Variants in FASTKD1 observed in about 807,000 individuals in gnomAD.
FASTKD1 encodes FAST kinase domain-containing protein 1, mitochondrial.
FASTKD1 carries 94 observed loss-of-function variants against 90.9 expected under a neutral mutation model. The observed-to-expected ratio is 1.03, with a 90% CI of 0.88 to 1.23. The LOEUF (loss-of-function observed/expected upper bound fraction) is 1.23. Among genes scored for constraint, FASTKD1 ranks in the 50% most tolerant of loss-of-function variants. FASTKD1 has a pLI of 0.00. For synonymous variants in FASTKD1, 319 were observed against 345.8 expected (o/e 0.92, Z 0.86); for missense variants, 945 against 993.5 (o/e 0.95, Z 0.66).
intron 5 of FASTKD1, among the ~76,000 whole-genome samples, chr2:169,558,253 CGT>C (rs1399489353): frequency 2.0e-5 from 3 of 152,036 alleles, no homozygotes; most frequent in South Asian, 4.1e-4. Context: ...AAAGTTTGTT[CGT>C]GTGTGTGTTT....
intron 5 of FASTKD1, among the ~76,000 whole-genome samples, chr2:169,559,008 CTT>C (rs1461504670): frequency 6.8e-6 from 1 of 146,486 alleles, no homozygotes; most frequent in Non-Finnish European, 1.5e-5. Flanking sequence ...GAGTTTCGCT[CTT>C]GTTGCCCAGG....
At chr2:169,568,534 T>C (rs997723074) in intron 3 of FASTKD1, among the ~76,000 whole-genome samples, 1 of 144,380 alleles carries the variant, frequency 6.9e-6, no homozygotes, top group Non-Finnish European at 1.5e-5. Context: ...GGCTCATGCA[T>C]ATAAACCCAG....
chr2:169,530,189 A>C (rs1684417523), intron 14 of FASTKD1, among the ~76,000 whole-genome samples: 1 of 152,150 alleles, frequency 6.6e-6, no homozygotes, highest in East Asian at 1.9e-4. Context: ...ATTCATACCT[A>C]GTTGTTTCCT....
At position 169,572,152 on chromosome 2, in the gene FASTKD1, C is replaced by A. The variant is rs957515184; in HGVS notation, c.-123G>T. On this transcript the variant is annotated 5_prime_UTR_variant, in exon 2 of 15. Transcript: ENST00000453153. ...TTGCTTCCATTACAATGACTGTAAA[C>A]GCATTCCAATGTACAGCTTCTATAA... 8.6e-6 allele frequency: 10 copies of A among 1,158,568 alleles called. No individual in the cohort carries two copies. In the Admixed American group the frequency reaches 1.8e-4, roughly 21 times the overall value. 71.8% of individuals were successfully genotyped at this position (1,158,568 alleles called of 1,614,324 possible).
At chr2:169,552,425 A>G (rs1685527021) in intron 7 of FASTKD1, among the ~76,000 whole-genome samples, 1 of 152,206 alleles carries the variant, frequency 6.6e-6, no homozygotes, top group Non-Finnish European at 1.5e-5. Context: ...ACTGCAATGT[A>G]TGTTTACAGC....
At chr2:169,548,502 C>CG (rs538025455) in intron 7 of FASTKD1, among the ~76,000 whole-genome samples, 6,593 of 150,934 alleles carry the variant, frequency 0.044, 203 homozygotes, top group Middle Eastern at 0.082. Flanking sequence ...GAGGCCAAGG[C>CG]GGGGGATAGC....
At chr2:169,554,368 T>A (rs1385988728) in intron 7 of FASTKD1, among the ~76,000 whole-genome samples, 1 of 141,172 alleles carries the variant, frequency 7.1e-6, no homozygotes, top group African/African-American at 2.6e-5. Context: ...AAATTCTACA[T>A]GAAAACACTT....
rs57963378 is a variant in FASTKD1, at chr2:169,572,077, G to C, written c.-48C>G. 18 of 1,525,678 alleles carry C rather than the reference G, an allele frequency of 1.2e-5. No homozygotes were observed. The African/African-American group carries it at 1.7e-4, about 14-fold the overall frequency. The allele number at this position is 1,525,678 out of a possible 1,614,324, so 94.5% of individuals were successfully genotyped here. A position where few individuals can be genotyped will look rare whatever the true frequency, so the allele number is the denominator to read the frequency against. On this transcript the variant is annotated 5_prime_UTR_variant, in exon 2 of 15. Coordinates refer to ENST00000453153, the MANE Select transcript of FASTKD1 (RefSeq NM_024622.6). ...TAAACAAAACCATCTGCAACTAGTC[G>C]TCAGGTGCAATAAGCAGGGATACAA...
intron 4 of FASTKD1, among the ~76,000 whole-genome samples, chr2:169,562,862 G>A (rs763650428): frequency 1.1e-4 from 16 of 152,030 alleles, no homozygotes; most frequent in Non-Finnish European, 2.1e-4. Context: ...AGAAAATTCT[G>A]GTACTCTGCT....
intron 4 of FASTKD1, among the ~76,000 whole-genome samples, chr2:169,561,051 A>C (rs1352391417): frequency 6.0e-5 from 9 of 150,582 alleles, no homozygotes; most frequent in East Asian, 2.0e-4. Flanking sequence ...GTAATCCCAG[A>C]ACTTTGGGAG....
At chr2:169,540,969 C>A (rs1489140787) in intron 9 of FASTKD1, among the ~76,000 whole-genome samples, 1 of 152,192 alleles carries the variant, frequency 6.6e-6, no homozygotes, top group Non-Finnish European at 1.5e-5. Flanking sequence ...AGAGACATTT[C>A]TAATGTGGCG....
chr2:169,542,978 C>T (rs1685022955), intron 9 of FASTKD1, among the ~76,000 whole-genome samples: 1 of 152,108 alleles, frequency 6.6e-6, no homozygotes, highest in Non-Finnish European at 1.5e-5. Context: ...TTAATCTGAA[C>T]CTAACCAAGC....
chr2:169,566,698 C>T (rs1358937654), intron 3 of FASTKD1, among the ~76,000 whole-genome samples: 2 of 152,078 alleles, frequency 1.3e-5, no homozygotes, highest in African/African-American at 4.8e-5. Context: ...GGTAACAGAG[C>T]CAAACCCTAT....
chr2:169,537,956 A>T, intron 11 of FASTKD1, 57 bp downstream of exon 11: 1 of 1,453,644 alleles, frequency 6.9e-7, no homozygotes, highest in Non-Finnish European at 9.4e-7. Flanking sequence ...ACAATGTACT[A>T]CCTAATAATT....
At position 169,560,557 on chromosome 2, in the gene FASTKD1, G is replaced by A. The variant is rs1325324263; in HGVS notation, c.801C>T (p.Ser267=). Residue 267 remains serine, a synonymous_variant, in exon 5 of 15, where the codon TCC becomes TCT. Coordinates refer to ENST00000453153, the MANE Select transcript of FASTKD1 (RefSeq NM_024622.6). Reference sequence around the variant, plus strand: ...TGTATACACTAAGTATTTTACTGATGGAATCCAAATCAAGGTGGTCCACAT... The same window carrying A: ...TGTATACACTAAGTATTTTACTGATAGAATCCAAATCAAGGTGGTCCACAT... ...LSNVDHLDLD[S]ISKILSVYKF... 3 of 1,603,416 alleles carry A rather than the reference G, an allele frequency of 1.9e-6. No individual in the cohort carries two copies. Among genetic ancestry groups the A allele is most frequent in the Middle Eastern group, 1.7e-4 (1 of 6,012 alleles).
At chr2:169,568,874 C>A (rs902133734) in intron 3 of FASTKD1, among the ~76,000 whole-genome samples, 1 of 151,334 alleles carries the variant, frequency 6.6e-6, no homozygotes, top group Non-Finnish European at 1.5e-5. Context: ...ATGGTGGGTG[C>A]CTATAATCCC....
At chr2:169,564,902 T>C (rs1215282427) in intron 3 of FASTKD1, among the ~76,000 whole-genome samples, 1 of 151,870 alleles carries the variant, frequency 6.6e-6, no homozygotes, top group Non-Finnish European at 1.5e-5. Flanking sequence ...CAGGATATCA[T>C]TTTTTTTACG....
At chr2:169,569,385 C>A in intron 2 of FASTKD1, 133 bp from the exon 3 acceptor site, 2 of 793,794 alleles carry the variant, frequency 2.5e-6, no homozygotes, top group Non-Finnish European at 2.1e-6. Flanking sequence ...ATTTCTGGTC[C>A]ACTCTTATTT....
intron 4 of FASTKD1, among the ~76,000 whole-genome samples, chr2:169,561,844 T>TCTATTATAAA (rs1683655366): frequency 7.0e-6 from 1 of 143,700 alleles, no homozygotes; most frequent in African/African-American, 2.5e-5. Flanking sequence ...TTGTAAATTA[T>TCTATTATAAA]TTATTAATTT....
Sources: allele counts gnomAD v4.1 joint callset (sites outside exome capture counted in the v4.1 genomes callset), GRCh38; gene constraint gnomAD v4.1.1; transcripts MANE v1.5; gene names NCBI Gene and HGNC (gene_info 2026-07-23, HGNC 2026-07-21).